Variants in ME1 observed in about 807,000 individuals in gnomAD.
ME1 encodes NADP-dependent malic enzyme.
Under a neutral mutation model 66.4 loss-of-function variants are expected in ME1, and 74 were observed. The ratio of observed to expected loss-of-function variants is 1.11; its 90% CI spans 0.92 to 1.35. The LOEUF is 1.35. Among genes scored for constraint, ME1 ranks in the 40% most tolerant of loss-of-function variants. The probability of loss-of-function intolerance (pLI) is 0.00; values close to 1 mark genes in which losing one functional copy is unlikely to be tolerated. For missense variants in ME1, 750 were observed against 694.1 expected, an observed-to-expected ratio of 1.08 and a Z score of -0.90; for synonymous variants, 251 against 235.6, an observed-to-expected ratio of 1.07 and a Z score of -0.60.
chr6:83,289,921 C>G (rs978934033), intron 6 of ME1, among the ~76,000 whole-genome samples: 1 of 151,934 alleles, frequency 6.6e-6, no homozygotes, highest in Non-Finnish European at 1.5e-5. Context: ...TATTTGCATA[C>G]AGGTGTTTAT....
chr6:83,348,413 C>T (rs907314819), intron 4 of ME1, among the ~76,000 whole-genome samples: 4 of 152,012 alleles, frequency 2.6e-5, no homozygotes. Context: ...TAGGTAAAGT[C>T]CAGTTGGCCT....
intron 5 of ME1, among the ~76,000 whole-genome samples, chr6:83,320,968 G>A (rs1235927253): frequency 1.3e-5 from 2 of 152,130 alleles, no homozygotes; most frequent in African/African-American, 4.8e-5. Context: ...TCATCTCATT[G>A]GGATGGGTTA....
chr6:83,388,446 A>G (rs540309175), intron 3 of ME1, among the ~76,000 whole-genome samples: 1 of 152,314 alleles, frequency 6.6e-6, no homozygotes, highest in East Asian at 1.9e-4. Context: ...GGTACATGAT[A>G]CCACAATCTA....
chr6:83,425,248 G>A (rs868321632), intron 1 of ME1, among the ~76,000 whole-genome samples: 8 of 151,788 alleles, frequency 5.3e-5, no homozygotes, highest in East Asian at 3.9e-4. Context: ...CTCCTACCTC[G>A]GCCTCCCAGG....
chr6:83,287,637 A>G (rs536120300), intron 6 of ME1, among the ~76,000 whole-genome samples: 1 of 152,340 alleles, frequency 6.6e-6, no homozygotes, highest in East Asian at 1.9e-4. Flanking sequence ...TCTTTATCGT[A>G]GAATGATGTA....
chr6:83,311,813 G>C (rs1274874117), intron 6 of ME1, among the ~76,000 whole-genome samples: 1 of 152,114 alleles, frequency 6.6e-6, no homozygotes, highest in Non-Finnish European at 1.5e-5. Context: ...TATCATAAGA[G>C]TGGCAAAAGT....
intron 7 of ME1, among the ~76,000 whole-genome samples, chr6:83,243,520 T>C (rs1180223): frequency 2.6e-4 from 33 of 125,840 alleles, no homozygotes; most frequent in African/African-American, 8.6e-4. Context: ...ATTATAATTA[T>C]ATTATATCGA....
At chr6:83,369,940 G>A (rs903586298) in intron 3 of ME1, among the ~76,000 whole-genome samples, 1 of 152,140 alleles carries the variant, frequency 6.6e-6, no homozygotes, top group Non-Finnish European at 1.5e-5. Flanking sequence ...TGTTTTAAAA[G>A]ACAACCCTTT....
intron 7 of ME1, among the ~76,000 whole-genome samples, chr6:83,249,868 C>T (rs572590275): frequency 1.9e-4 from 29 of 152,280 alleles, no homozygotes; most frequent in Middle Eastern, 3.4e-3. Context: ...GGCCTTTCCC[C>T]CATCTAACAG....
At chr6:83,222,508 G>T (rs933261056) in intron 12 of ME1, among the ~76,000 whole-genome samples, 1 of 152,166 alleles carries the variant, frequency 6.6e-6, no homozygotes, top group Non-Finnish European at 1.5e-5. Flanking sequence ...CAGCTGCAAA[G>T]GTTTAATCGT....
At chr6:83,392,265 T>A (rs1426491914) in intron 3 of ME1, among the ~76,000 whole-genome samples, 1 of 142,920 alleles carries the variant, frequency 7.0e-6, no homozygotes, top group African/African-American at 2.7e-5. Flanking sequence ...TAAGTCGATA[T>A]TGTCGCCATC....
intron 6 of ME1, among the ~76,000 whole-genome samples, chr6:83,293,711 T>C (rs1270226452): frequency 6.6e-6 from 1 of 152,206 alleles, no homozygotes; most frequent in Non-Finnish European, 1.5e-5. Context: ...GCTGTCATAA[T>C]GTATCTGCTT....
intron 2 of ME1, 27 bp from the exon 3 acceptor site, chr6:83,398,543 T>C (rs756990171): frequency 2.3e-6 from 3 of 1,302,996 alleles, no homozygotes; most frequent in Non-Finnish European, 3.2e-6. Flanking sequence ...TAATTAGATC[T>C]ACATCCCATA....
At chr6:83,369,530 C>T (rs1769155448) in intron 3 of ME1, among the ~76,000 whole-genome samples, 1 of 151,864 alleles carries the variant, frequency 6.6e-6, no homozygotes, top group Admixed American at 6.6e-5. Flanking sequence ...GAAAAATGAT[C>T]CTTCTATCTT....
intron 6 of ME1, among the ~76,000 whole-genome samples, chr6:83,308,268 A>G (rs990134767): frequency 2.0e-5 from 3 of 152,076 alleles, no homozygotes; most frequent in Non-Finnish European, 4.4e-5. Context: ...ATAAAAAAGA[A>G]CACAATTTTT....
chr6:83,270,875 A>G (rs1256658865), intron 6 of ME1, among the ~76,000 whole-genome samples: 1 of 152,114 alleles, frequency 6.6e-6, no homozygotes, highest in East Asian at 1.9e-4. Context: ...TAAAAAGGAA[A>G]GGATTCATAA....
At chr6:83,261,496 GTGAT>G (rs1251534748) in intron 6 of ME1, among the ~76,000 whole-genome samples, 1 of 115,830 alleles carries the variant, frequency 8.6e-6, no homozygotes, top group African/African-American at 3.3e-5. Flanking sequence ...TGCTTTTGTT[GTGAT>G]TGTTTTTGCC....
intron 1 of ME1, among the ~76,000 whole-genome samples, chr6:83,426,089 T>C (rs975368963): frequency 6.6e-6 from 1 of 152,208 alleles, no homozygotes; most frequent in Non-Finnish European, 1.5e-5. Flanking sequence ...CATGGGATGA[T>C]GTAGCAAGGA....
At chr6:83,405,445 T>C (rs1448984867) in intron 2 of ME1, among the ~76,000 whole-genome samples, 1 of 152,176 alleles carries the variant, frequency 6.6e-6, no homozygotes, top group Non-Finnish European at 1.5e-5. Flanking sequence ...AATCATGTCA[T>C]CTGCAAACAG....
Sources: allele counts gnomAD v4.1 joint callset (sites outside exome capture counted in the v4.1 genomes callset), GRCh38; gene constraint gnomAD v4.1.1; transcripts MANE v1.5; gene names NCBI Gene and HGNC (gene_info 2026-07-23, HGNC 2026-07-21).